Variants in GNG4 observed in about 807,000 individuals in gnomAD.
GNG4 encodes the protein guanine nucleotide-binding protein G(I)/G(S)/G(O) subunit gamma-4.
Under a neutral mutation model 5.8 loss-of-function variants are expected in GNG4, and 4 were observed. The ratio of observed to expected loss-of-function variants is 0.69; its 90% CI spans 0.34 to 1.57. The LOEUF (loss-of-function observed/expected upper bound fraction) is 1.57. Among genes scored for constraint, GNG4 ranks in the 40% most tolerant of loss-of-function variants. GNG4 has a pLI of 0.06. For missense variants in GNG4, 96 were observed against 95.1 expected (o/e 1.01, Z -0.04); for synonymous variants, 29 against 32.9 (o/e 0.88, Z 0.41).
chr1:235,623,653 C>T (rs1423332508), intron 1 of GNG4, among the ~76,000 whole-genome samples: 1 of 152,204 alleles, frequency 6.6e-6, no homozygotes, highest in African/African-American at 2.4e-5. Context: ...ATTCCACTCC[C>T]ATACCTTGCA....
chr1:235,564,436 G>A (rs1687143470), intron 3 of GNG4, among the ~76,000 whole-genome samples: 1 of 152,242 alleles, frequency 6.6e-6, no homozygotes, highest in Non-Finnish European at 1.5e-5. Context: ...TAAAATTAAA[G>A]TTGAAACTAA....
At chr1:235,633,287 C>G (rs1449176526) in intron 1 of GNG4, among the ~76,000 whole-genome samples, 1 of 152,058 alleles carries the variant, frequency 6.6e-6, no homozygotes, top group Non-Finnish European at 1.5e-5. Context: ...TGGAGACAAG[C>G]AGGGATAAGT....
intron 1 of GNG4, among the ~76,000 whole-genome samples, chr1:235,619,023 G>A (rs28392523): frequency 0.2 from 29,714 of 149,978 alleles, 5,145 homozygotes; most frequent in East Asian, 0.58. Context: ...CATCAGCTGG[G>A]TGTGGTGAGT....
At chr1:235,594,510 C>T (rs567408598) in intron 2 of GNG4, among the ~76,000 whole-genome samples, 62 of 152,274 alleles carry the variant, frequency 4.1e-4, no homozygotes, top group African/African-American at 1.0e-3. Flanking sequence ...AGGCTCAGGC[C>T]GTGCAGGAGC....
chr1:235,634,373 G>A (rs1225147305), intron 1 of GNG4, among the ~76,000 whole-genome samples: 4 of 152,198 alleles, frequency 2.6e-5, no homozygotes, highest in Non-Finnish European at 5.9e-5. Context: ...GCTTCCTGGG[G>A]ATTTTATAGG....
chr1:235,620,815 G>A lies in GNG4; in HGVS notation c.-122-25304C>T, dbSNP rs550894734. 1.3e-3 allele frequency among the ~76,000 whole-genome samples: 194 copies of A among 152,322 alleles called. 2 individuals are homozygous for A. Among genetic ancestry groups the A allele is most frequent in the African/African-American group, 4.5e-3 (185 of 41,570 alleles). On this transcript the variant is annotated intron_variant, in intron 1 of 3. Coordinates refer to ENST00000391854, the MANE Select transcript of GNG4 (RefSeq NM_001098722.2). ...CTCTCAAAGTGCTGGGATTACAGGCGTGAGCCACTGCGCCCGGCCAAATGT... is the reference window on the plus strand; with the variant it reads ...CTCTCAAAGTGCTGGGATTACAGGCATGAGCCACTGCGCCCGGCCAAATGT...
At chr1:235,593,567 G>A (rs1688041043) in intron 2 of GNG4, among the ~76,000 whole-genome samples, 1 of 152,248 alleles carries the variant, frequency 6.6e-6, no homozygotes, top group Non-Finnish European at 1.5e-5. Flanking sequence ...CAAGAATGAA[G>A]CTGCGGACCC....
intron 1 of GNG4, among the ~76,000 whole-genome samples, chr1:235,606,944 CTTTTTTT>C (rs1181596456): frequency 1.6e-5 from 2 of 123,722 alleles, no homozygotes; most frequent in Non-Finnish European, 3.3e-5. Context: ...CCTTTCTTTC[CTTTTTTT>C]TTTTTTTTTT....
intron 3 of GNG4, among the ~76,000 whole-genome samples, chr1:235,564,031 C>T (rs1420336525): frequency 6.6e-6 from 1 of 152,144 alleles, no homozygotes; most frequent in Non-Finnish European, 1.5e-5. Context: ...TGCTTACCAA[C>T]AGTGGACTGG....
chr1:235,595,819 G>A (rs3819975), intron 1 of GNG4, among the ~76,000 whole-genome samples: 57,704 of 152,044 alleles, frequency 0.38, 11,757 homozygotes, highest in East Asian at 0.79. Flanking sequence ...AACACAAGGA[G>A]CCCCAGCTCC....
chr1:235,552,537 G>C (rs1686782915), intron 3 of GNG4, among the ~76,000 whole-genome samples: 1 of 152,160 alleles, frequency 6.6e-6, no homozygotes, highest in African/African-American at 2.4e-5. Flanking sequence ...GAGGAGTGGA[G>C]GTTCCAGGAC....
intron 3 of GNG4, among the ~76,000 whole-genome samples, chr1:235,571,041 ACCT>A (rs1199837815): frequency 6.8e-6 from 1 of 147,468 alleles, no homozygotes; most frequent in Non-Finnish European, 1.5e-5. Context: ...GCTCAGGCAA[ACCT>A]CCTGCCTTGG....
At chr1:235,618,109 T>C (rs1688635853) in intron 1 of GNG4, among the ~76,000 whole-genome samples, 1 of 152,110 alleles carries the variant, frequency 6.6e-6, no homozygotes, top group African/African-American at 2.4e-5. Context: ...AGAAATGGAA[T>C]CAGTGCAAGC....
At chr1:235,563,767 A>C (rs1188536416) in intron 3 of GNG4, among the ~76,000 whole-genome samples, 1 of 152,212 alleles carries the variant, frequency 6.6e-6, no homozygotes, top group East Asian at 1.9e-4. Context: ...GGGAAAAGAC[A>C]TTAGGAGCTT....
chr1:235,649,785 C>G (rs1161065448), upstream of GNG4: 2 of 150,218 alleles, frequency 1.3e-5, no homozygotes, highest in African/African-American at 4.9e-5. The surrounding 1 kb of genome is among the most constrained non-coding windows in gnomAD (Gnocchi z 5.7). Flanking sequence ...CGCCTCGTGC[C>G]CCTCCCGCCG....
Position 235,567,649 on chromosome 1 carries a change from G to GT in GNG4, c.100-15413dup, listed in dbSNP as rs373914874. ...TCCCACATGTCTGAGTTTCCTTCCT[G>GT]TTTAAGGCTGAATAATTTTCTGTTT... On this transcript the variant is annotated intron_variant, in intron 3 of 3. Transcript: ENST00000391854. Among the ~76,000 whole-genome samples the GT allele has an allele frequency of 5.2e-3, 792 of 152,266 alleles. 6 individuals carry two copies. The highest frequency in any genetic ancestry group is 0.018 in the African/African-American group (750 of 41,554).
At chr1:235,599,275 T>G (rs1688196201) in intron 1 of GNG4, among the ~76,000 whole-genome samples, 1 of 151,844 alleles carries the variant, frequency 6.6e-6, no homozygotes, top group Non-Finnish European at 1.5e-5. Context: ...ACCTACGAAG[T>G]CAAATCTGCG....
At chr1:235,593,407 T>C (rs1483798298) in intron 2 of GNG4, among the ~76,000 whole-genome samples, 3 of 152,190 alleles carry the variant, frequency 2.0e-5, no homozygotes, top group East Asian at 1.9e-4. Context: ...CCAAATGTCA[T>C]TGTGCCTTTG....
chr1:235,608,736 T>G (rs1457326206), intron 1 of GNG4, among the ~76,000 whole-genome samples: 1 of 151,798 alleles, frequency 6.6e-6, no homozygotes, highest in African/African-American at 2.4e-5. Flanking sequence ...CAGGCTGAAG[T>G]GCAGTGGTGC....
Sources: allele counts gnomAD v4.1 joint callset (sites outside exome capture counted in the v4.1 genomes callset), GRCh38; gene constraint gnomAD v4.1.1; non-coding constraint Gnocchi (gnomAD v3.1); transcripts MANE v1.5; gene names NCBI Gene and HGNC (gene_info 2026-07-23, HGNC 2026-07-21).